DGKA: variants seen among roughly 807,000 people sequenced by gnomAD.
DGKA encodes diacylglycerol kinase alpha, also known as 80 kDa diacylglycerol kinase.
DGKA carries 35 observed loss-of-function variants against 105.0 expected under a neutral mutation model. That is an observed-to-expected ratio of 0.33 (90% CI 0.25 to 0.44). The LOEUF (loss-of-function observed/expected upper bound fraction) is 0.44. Ranked by LOEUF, DGKA falls within the 20% of genes least tolerant of loss-of-function variation. The pLI, the probability that DGKA is intolerant of heterozygous loss-of-function variation, is 1.00. For synonymous variants in DGKA, 296 were observed against 332.0 expected (o/e 0.89, Z 1.18); for missense variants, 665 against 915.0 (o/e 0.73, Z 3.53).
chr12:55,937,606 TG>T (rs1373587269), intron 4 of DGKA, 63 bp downstream of exon 4: 29 of 1,580,110 alleles, frequency 1.8e-5, no homozygotes, highest in Non-Finnish European at 2.5e-5. Context: ...AGTATGGATT[TG>T]GGGTTGAGAA....
chr12:55,953,734 C>T lies in DGKA; in HGVS notation c.2174C>T (p.Pro725Leu), dbSNP rs200177638. Residue 725 changes from proline to leucine, a missense_variant, in exon 24 of 24, where the codon CCC becomes CTC. Around this residue, in one of 3 missense-constraint regions of DGKA, gnomAD observed 158 missense variants for 213.4 expected, o/e 0.74. Transcript: ENST00000331886. ...ATGCCCATGCTCATGGGCCCACCCC[C>T]CCGCTCCACCAATTTCTTTGGCTTC... ...NQMPMLMGPP[P>L]RSTNFFGFLS 4.3e-6 allele frequency: 7 copies of T among 1,614,180 alleles called. No individual in the cohort carries two copies. Among genetic ancestry groups the T allele is most frequent in the Middle Eastern group, 1.6e-4 (1 of 6,062 alleles).
Position 55,952,365 on chromosome 12 carries a change from C to T in DGKA, c.1677C>T (p.Phe559=), listed in dbSNP as rs546159503. 8.1e-5 allele frequency: 130 copies of T among 1,614,080 alleles called. No individual in the cohort carries two copies. Among genetic ancestry groups the T allele is most frequent in the Non-Finnish European group, 1.0e-4 (118 of 1,180,018 alleles). ...GAATGAAGAACAAGCTATGGTACTT[C>T]GAATTTGCCACATCTGAATCCATCT... ...NSRMKNKLWY[F]EFATSESIFS... is the part of the protein sequence containing the mutation. The change falls in exon 20 of 24, where the codon TTC becomes TTT. Residue 559 remains phenylalanine, a synonymous_variant. Transcript: ENST00000331886. This position sits in a 1 kb window ranked among gnomAD's most constrained non-coding sequence, Gnocchi z 5.1.
rs1592654824 is a variant in DGKA at position 55,932,348 on chromosome 12, T to A, written c.-82+1004T>A. 1.7e-6 allele frequency: 1 copy of A among 582,376 alleles called. No individual in the cohort carries two copies. Among genetic ancestry groups the A allele is most frequent in the East Asian group, 2.9e-5 (1 of 35,068 alleles). 36.1% of individuals were successfully genotyped at this position (582,376 alleles called of 1,614,324 possible). A position where few individuals can be genotyped will look rare whatever the true frequency, so the allele number is the denominator to read the frequency against. ...AACGTTTCCCAGACCTTCCCCTCCA[T>A]CCCTCCCGCTCATTCGGAGGGATGG... On this transcript the variant is annotated intron_variant, in intron 1 of 23. Transcript: ENST00000331886. The surrounding 1 kb of genome is among the most constrained non-coding windows in gnomAD (Gnocchi z 4.3).
Position 55,939,453 on chromosome 12 carries a change from G to A in DGKA, c.633G>A (p.Lys211=), listed in dbSNP as rs1202440421. 1.2e-6 allele frequency: 2 copies of A among 1,614,090 alleles called. No homozygotes were observed. Among genetic ancestry groups the A allele is most frequent in the Non-Finnish European group, 1.7e-6 (2 of 1,180,044 alleles). ...ACGGACAGCACATGTGGAGGCCCAA[G>A]AGGTTCCCCAGACCAGTCTACTGCA... is the stretch of plus-strand genomic sequence containing the variant. ...KDDGQHMWRP[K]RFPRPVYCNL... Residue 211 remains lysine (K), a synonymous_variant, in exon 9 of 24, where the codon AAG becomes AAA. Coordinates refer to ENST00000331886, the MANE Select transcript of DGKA (RefSeq NM_001345.5).
Position 55,940,910 on chromosome 12 carries a change from A to C in DGKA, c.1031A>C (p.Asp344Ala). The change falls in exon 13 of 24, where the codon GAT becomes GCT. Residue 344 changes from aspartate (D) to alanine (A), a missense_variant. Physicochemically the swap from Asp to Ala is moderately radical, Grantham distance 126. Coordinates refer to ENST00000331886, the MANE Select transcript of DGKA (RefSeq NM_001345.5). The surrounding 1 kb of genome is among the most constrained non-coding windows in gnomAD (Gnocchi z 4.3). Reference sequence around the variant, plus strand: ...TTCCCCTCCCAGGCCTCTGGACCGGATCGTAAAAATAGCAAAACAAGCCAG... The same window carrying C: ...TTCCCCTCCCAGGCCTCTGGACCGGCTCGTAAAAATAGCAAAACAAGCCAG... ...IYPSVLASGP[D>A]RKNSKTSQKT... 1 of 1,614,086 alleles carries C rather than the reference A, an allele frequency of 6.2e-7. No individual in the cohort carries two copies. Among genetic ancestry groups the C allele is most frequent in the East Asian group, 2.2e-5 (1 of 44,884 alleles).
chr12:55,938,736 G>A, intron 6 of DGKA, 176 bp downstream of exon 6: 1 of 1,538,556 alleles, frequency 6.5e-7, no homozygotes, highest in Non-Finnish European at 8.8e-7. Flanking sequence ...AGAGAATGCT[G>A]GATACATGAA....
intron 9 of DGKA, chr12:55,939,763 T>C (rs1885510829): frequency 1.7e-6 from 1 of 596,492 alleles, no homozygotes; most frequent in African/African-American, 1.9e-5. Context: ...AGATGGTGCA[T>C]GCACATACTA....
chr12:55,944,493 A>G (rs1320290589), intron 17 of DGKA, among the ~76,000 whole-genome samples: 1 of 152,226 alleles, frequency 6.6e-6, no homozygotes, highest in Non-Finnish European at 1.5e-5. Flanking sequence ...AAACATGTTG[A>G]CACTGAAAAA....
rs987588618 is a variant in DGKA, at chr12:55,954,002, T to A, written c.*234T>A. On this transcript the variant is annotated 3_prime_UTR_variant, in exon 24 of 24. Transcript: ENST00000331886. ...CCTCATCTGAATAAAATGACTTGTGTTTCCCCTTTGGGATCTGCTAAGTAA... is the reference window on the plus strand; with the variant it reads ...CCTCATCTGAATAAAATGACTTGTGATTCCCCTTTGGGATCTGCTAAGTAA... 6.2e-6 allele frequency: 4 copies of A among 647,296 alleles called. No individual in the cohort carries two copies. The highest frequency in any genetic ancestry group is 1.0e-5 in the Non-Finnish European group (4 of 383,912). The allele number at this position is 647,296 out of a possible 1,614,324, so 40.1% of individuals were successfully genotyped here.
upstream of DGKA, chr12:55,927,472 T>C: frequency 1.4e-6 from 1 of 695,084 alleles, no homozygotes; most frequent in South Asian, 1.6e-5. Context: ...GGGGGCCTTA[T>C]AAATGAAGAA....
At position 55,941,274 on chromosome 12, in the gene DGKA, A is replaced by G. The variant is rs774807853; in HGVS notation, c.1124A>G (p.His375Arg). 8.7e-6 allele frequency: 14 copies of G among 1,613,372 alleles called. No individual in the cohort carries two copies. Among genetic ancestry groups the G allele is most frequent in the Non-Finnish European group, 1.2e-5 (14 of 1,179,486 alleles). The change falls in exon 14 of 24, where the codon CAC becomes CGC. Residue 375 changes from histidine (H) to arginine (R), a missense_variant. This residue lies in a region of DGKA where 504 missense variants were observed against 681.2 expected (regional missense o/e 0.74). Coordinates refer to ENST00000331886, the MANE Select transcript of DGKA (RefSeq NM_001345.5). ...ALRIDPVPNT[H>R]PLLVFVNPKS... Reference sequence around the variant, plus strand: ...CAGATTGACCCTGTTCCTAACACCCACCCACTTCTCGTCTTTGTCAATCCT... The same window carrying G: ...CAGATTGACCCTGTTCCTAACACCCGCCCACTTCTCGTCTTTGTCAATCCT...
chr12:55,937,274 A>C, intron 3 of DGKA, 134 bp from the exon 4 acceptor site: 1 of 1,270,670 alleles, frequency 7.9e-7, no homozygotes, highest in East Asian at 2.3e-5. Context: ...TCAGGACTTA[A>C]TCAAAGAAAC....
chr12:55,941,500 C>CCA lies in DGKA; in HGVS notation c.1176-3_1176-2dup. ...CGCCTGCCATGAACTTTTCTTTTTC[C>CCA]CACACACAGGGTGCTCTGGAAGTTC... On this transcript the variant is annotated splice_polypyrimidine_tract_variant and intron_variant, in intron 14 of 23. Transcript: ENST00000331886. The CCA allele has an allele frequency of 6.2e-7, 1 of 1,614,078 alleles. No individual in the cohort carries two copies. Among genetic ancestry groups the CCA allele is most frequent in the East Asian group, 2.2e-5 (1 of 44,866 alleles).
At chr12:55,927,847 G>C (rs912444457), upstream of DGKA, 7 of 1,491,454 alleles carry the variant, frequency 4.7e-6, no homozygotes, top group African/African-American at 8.4e-5. Flanking sequence ...CGGCGGCGAA[G>C]TGATGAGGGC....
At chr12:55,939,665 G>C (rs1885490800) in intron 9 of DGKA, 136 bp downstream of exon 9, 1 of 766,680 alleles carries the variant, frequency 1.3e-6, no homozygotes, top group Non-Finnish European at 2.1e-6. Flanking sequence ...CCTTGGGAAA[G>C]CCACATCACT....
At position 55,941,545 on chromosome 12, in the gene DGKA, G is replaced by A. The variant is rs990344918; in HGVS notation, c.1211G>A (p.Arg404Gln). The change falls in exon 15 of 24, where the codon CGA becomes CAA. Residue 404 changes from arginine to glutamine, a missense_variant. Physicochemically the swap from Arg to Gln is conservative, Grantham distance 43. This residue lies in a region of DGKA where 504 missense variants were observed against 681.2 expected (regional missense o/e 0.74). Transcript: ENST00000331886. ...LWKFQYILNP[R>Q]QVFNLLKDGP... ...AAGTTCCAGTATATATTAAACCCTC[G>A]ACAGGTGTTCAACCTCCTAAAGGAT... The A allele has an allele frequency of 1.2e-6, 2 of 1,614,100 alleles. No individual in the cohort carries two copies. The highest frequency in any genetic ancestry group is 1.1e-5 in the South Asian group (1 of 91,064).
intron 17 of DGKA, chr12:55,943,535 C>T (rs1343115226): frequency 2.0e-5 from 3 of 152,274 alleles, no homozygotes; most frequent in East Asian, 1.9e-4. Flanking sequence ...CTAGGCTTCC[C>T]AAAATGTTGG....
At chr12:55,945,885 G>A (rs1396060432) in intron 17 of DGKA, among the ~76,000 whole-genome samples, 2 of 151,514 alleles carry the variant, frequency 1.3e-5, no homozygotes, top group Non-Finnish European at 2.9e-5. Context: ...TGCCTCCCTG[G>A]CCCAAGCAAT....
Position 55,952,565 on chromosome 12 carries a change from A to C in DGKA, c.1743+134A>C. On this transcript the variant is annotated intron_variant, in intron 20 of 23. Transcript: ENST00000331886. This position sits in a 1 kb window ranked among gnomAD's most constrained non-coding sequence, Gnocchi z 5.1. ...TTAACCTCCCAGCTCTCCTACCCCA[A>C]TTCTCCAAGTCCTCAAGATACACTA... The C allele has an allele frequency of 8.5e-7, 1 of 1,178,768 alleles. No individual in the cohort carries two copies. The allele number at this position is 1,178,768 out of a possible 1,614,324, so 73.0% of individuals were successfully genotyped here. A position where few individuals can be genotyped will look rare whatever the true frequency, so the allele number is the denominator to read the frequency against.
Sources: allele counts gnomAD v4.1 joint callset (sites outside exome capture counted in the v4.1 genomes callset), GRCh38; gene constraint gnomAD v4.1.1; regional missense constraint gnomAD v4.1.1; non-coding constraint Gnocchi (gnomAD v3.1); transcripts MANE v1.5; gene names NCBI Gene and HGNC (gene_info 2026-07-23, HGNC 2026-07-21).